Variants in PCDHA4 observed in about 807,000 individuals in gnomAD.
The protein encoded by PCDHA4 is protocadherin alpha 4.
In PCDHA4, 49 loss-of-function variants were observed where a neutral mutation model predicts 61.4. The ratio of observed to expected loss-of-function variants is 0.80; its 90% CI spans 0.63 to 1.01. PCDHA4 has a LOEUF of 1.01. Ranked by LOEUF, PCDHA4 falls within the 50% of genes least tolerant of loss-of-function variation. PCDHA4 has a pLI of 0.00. For missense variants in PCDHA4, 1,254 were observed against 1,235.8 expected (o/e 1.01, Z -0.22); for synonymous variants, 590 against 550.3 (o/e 1.07, Z -1.01).
intron 3 of PCDHA4, among the ~76,000 whole-genome samples, chr5:140,998,018 G>A (rs575495303): frequency 2.0e-5 from 3 of 152,170 alleles, no homozygotes; most frequent in Admixed American, 6.5e-5. Flanking sequence ...TCCCCACCTC[G>A]AGCTAGTGCT....
chr5:140,829,838 C>T (rs2150175831), intron 1 of PCDHA4: 21 of 1,613,806 alleles, frequency 1.3e-5, no homozygotes, highest in East Asian at 6.7e-5. Context: ...GCTGGTGCCG[C>T]GGTCACTGGG....
Position 140,855,945 on chromosome 5 carries a change from C to T in PCDHA4, c.2385+46373C>T, listed in dbSNP as rs187469272. On this transcript the variant is annotated intron_variant, in intron 1 of 3. Transcript: ENST00000530339. ...AGTAGCGTCATTCTGAGATCTCAGC[C>T]ATTTCGATAAAAAATAGATATAAGA... 8 of 1,336,226 alleles carry T rather than the reference C, an allele frequency of 6.0e-6. No individual in the cohort carries two copies. In the Admixed American group the frequency reaches 1.2e-4, roughly 20 times the overall value. 82.8% of individuals were successfully genotyped at this position (1,336,226 alleles called of 1,614,324 possible). A position where few individuals can be genotyped will look rare whatever the true frequency, so the allele number is the denominator to read the frequency against.
intron 2 of PCDHA4, 165 bp downstream of exon 2, chr5:140,979,172 G>A (rs1406119348): frequency 2.1e-6 from 2 of 959,890 alleles, no homozygotes; most frequent in Admixed American, 1.2e-4. Context: ...TTGAAAGATC[G>A]CAAATGGTCA....
chr5:140,866,633 G>A (rs900221819), intron 1 of PCDHA4: 71 of 152,170 alleles, frequency 4.7e-4, no homozygotes, highest in African/African-American at 1.6e-3. Flanking sequence ...TTCTGACAAC[G>A]GTGTCAAAAT....
intron 1 of PCDHA4, chr5:140,848,130 C>T (rs1423427149): frequency 5.3e-6 from 1 of 190,174 alleles, no homozygotes. Flanking sequence ...CAAGGTCATA[C>T]AAAACTTTTA....
At chr5:140,882,648 A>C in intron 1 of PCDHA4, 1 of 1,614,216 alleles carries the variant, frequency 6.2e-7, no homozygotes, top group Non-Finnish European at 8.5e-7. Context: ...AGGGACATTA[A>C]CGACAACCCG....
At chr5:141,009,494 A>T in intron 3 of PCDHA4, 133 bp from the exon 4 acceptor site, 1 of 1,488,918 alleles carries the variant, frequency 6.7e-7, no homozygotes, top group South Asian at 1.4e-5. Flanking sequence ...TTGCCCTCAG[A>T]CTTGAACAAA....
intron 3 of PCDHA4, among the ~76,000 whole-genome samples, chr5:141,001,598 G>C (rs2098027263): frequency 6.6e-6 from 1 of 152,088 alleles, no homozygotes; most frequent in South Asian, 2.1e-4. Flanking sequence ...ACTCAGATTA[G>C]GTTTGCCCAA....
intron 1 of PCDHA4, chr5:140,865,093 G>T (rs535527730): frequency 6.6e-6 from 1 of 152,216 alleles, no homozygotes; most frequent in African/African-American, 2.4e-5. Flanking sequence ...TATTAATAAA[G>T]GCACTTCCAC....
chr5:140,969,389 A>G (rs1554231753), intron 1 of PCDHA4: 8 of 1,592,478 alleles, frequency 5.0e-6, no homozygotes, highest in Admixed American at 1.8e-5. Context: ...ACATCCCCCA[A>G]TATCCTGTGA....
intron 1 of PCDHA4, chr5:140,829,865 G>A: frequency 6.2e-7 from 1 of 1,613,946 alleles, no homozygotes; most frequent in Non-Finnish European, 8.5e-7. Context: ...CCAAGTGGTG[G>A]CGAAGGTGCG....
chr5:140,968,121 T>C (rs1554230356), intron 1 of PCDHA4: 2 of 1,614,180 alleles, frequency 1.2e-6, no homozygotes, highest in Non-Finnish European at 1.7e-6. Flanking sequence ...CTCACATCCC[T>C]GCGTACACTG....
chr5:140,920,773 G>A (rs374394320), intron 1 of PCDHA4, among the ~76,000 whole-genome samples: 41 of 151,942 alleles, frequency 2.7e-4, no homozygotes, highest in African/African-American at 9.2e-4. Flanking sequence ...ACACCTGGGA[G>A]GTGGAGGTTG....
chr5:140,837,977 C>A (rs1377931639), intron 1 of PCDHA4, among the ~76,000 whole-genome samples: 4 of 151,682 alleles, frequency 2.6e-5, no homozygotes, highest in African/African-American at 4.9e-5. Flanking sequence ...CCACACCCAG[C>A]CTGCCTTTCA....
At chr5:140,908,342 A>G (rs542660039) in intron 1 of PCDHA4, among the ~76,000 whole-genome samples, 48 of 152,196 alleles carry the variant, frequency 3.2e-4, no homozygotes, top group Non-Finnish European at 5.3e-4. Flanking sequence ...TTGAGCCACT[A>G]CCTCATGTAA....
At chr5:140,901,697 C>T (rs57431111) in intron 1 of PCDHA4, among the ~76,000 whole-genome samples, 1,867 of 152,140 alleles carry the variant, frequency 0.012, 40 homozygotes, top group African/African-American at 0.043. Context: ...TTTTGTAGTT[C>T]TATATACATT....
chr5:140,936,615 G>T (rs1052104404), intron 1 of PCDHA4, among the ~76,000 whole-genome samples: 1 of 152,178 alleles, frequency 6.6e-6, no homozygotes, highest in Non-Finnish European at 1.5e-5. Context: ...CTGCTACTGT[G>T]CAGTGCTACC....
At chr5:140,981,584 A>G (rs556917015) in intron 2 of PCDHA4, among the ~76,000 whole-genome samples, 1 of 152,258 alleles carries the variant, frequency 6.6e-6, no homozygotes, top group Non-Finnish European at 1.5e-5. Context: ...AAAAATAAAT[A>G]AAATAAAACA....
chr5:140,871,160 C>A, intron 1 of PCDHA4: 1 of 1,613,470 alleles, frequency 6.2e-7, no homozygotes, highest in Non-Finnish European at 8.5e-7. Context: ...GCGGGCGCCG[C>A]GAGCCCAGAG....
Sources: allele counts gnomAD v4.1 joint callset (sites outside exome capture counted in the v4.1 genomes callset), GRCh38; gene constraint gnomAD v4.1.1; transcripts MANE v1.5; gene names NCBI Gene and HGNC (gene_info 2026-07-23, HGNC 2026-07-21).